MIGA1: variants seen among roughly 807,000 people sequenced by gnomAD.
The protein encoded by MIGA1 is mitoguardin 1.
A neutral mutation model predicts 82.0 loss-of-function variants in MIGA1; 58 were observed. That is an observed-to-expected ratio of 0.71 (90% CI 0.57 to 0.88). MIGA1 has a LOEUF of 0.88. Ranked by LOEUF, MIGA1 falls within the 40% of genes least tolerant of loss-of-function variation. MIGA1 has a pLI of 0.00. For missense variants in MIGA1, 751 were observed against 749.1 expected, an observed-to-expected ratio of 1.00 and a Z score of -0.03; for synonymous variants, 249 against 253.6, an observed-to-expected ratio of 0.98 and a Z score of 0.17.
At position 77,847,055 on chromosome 1, in the gene MIGA1, A is replaced by C. The variant is rs374665230; in HGVS notation, c.996+3648A>C. On this transcript the variant is annotated intron_variant, in intron 8 of 15. Transcript: ENST00000370791. ...TGATTTGACGACACTTATTTATAGC[A>C]ATCCAGAAACTACACCAACAGTAGG... is the stretch of plus-strand genomic sequence containing the variant. The C allele has an allele frequency of 1.3e-5, 10 of 742,506 alleles. No individual in the cohort carries two copies. The African/African-American group carries it at 1.7e-4, about 13-fold the overall frequency. 46.0% of individuals were successfully genotyped at this position (742,506 alleles called of 1,614,324 possible). A position where few individuals can be genotyped will look rare whatever the true frequency, so the allele number is the denominator to read the frequency against.
At position 77,855,330 on chromosome 1, in the gene MIGA1, TG is replaced by T. The variant is rs1290724744; in HGVS notation, c.997-3607del. Among the ~76,000 whole-genome samples the T allele has an allele frequency of 8.5e-5, 13 of 152,318 alleles. 1 individual carries two copies. Among genetic ancestry groups the T allele is most frequent in the South Asian group, 8.3e-4 (4 of 4,826 alleles). On this transcript the variant is annotated intron_variant, in intron 8 of 15. Transcript: ENST00000370791. ...TATAGTTTGAAATCAGGTCGTGTGATGCCTCCAGAATTCTTTTCGCTTAGTC... is the reference window on the plus strand; with the variant it reads ...TATAGTTTGAAATCAGGTCGTGTGATCCTCCAGAATTCTTTTCGCTTAGTC...
chr1:77,852,294 A>C (rs1685085300), intron 8 of MIGA1, among the ~76,000 whole-genome samples: 1 of 152,150 alleles, frequency 6.6e-6, no homozygotes, highest in Non-Finnish European at 1.5e-5. Context: ...AAACTGTTTA[A>C]TATCTAAAGA....
intron 14 of MIGA1, among the ~76,000 whole-genome samples, chr1:77,870,026 C>T (rs1571023262): frequency 7.7e-6 from 1 of 130,538 alleles, no homozygotes; most frequent in East Asian, 2.5e-4. Context: ...CCTCACTTCC[C>T]AGTAGGGGCG....
chr1:77,829,450 C>T (rs982803907), intron 7 of MIGA1, among the ~76,000 whole-genome samples: 1 of 151,956 alleles, frequency 6.6e-6, no homozygotes, highest in South Asian at 2.1e-4. Flanking sequence ...GACCCTGTCC[C>T]TTAAAAAATC....
rs76302199 is a variant in MIGA1 at position 77,853,434 on chromosome 1, A to G, written c.997-5504A>G. 1.2e-4 allele frequency: 20 copies of G among 161,322 alleles called. No individual in the cohort carries two copies. The East Asian group carries it at 3.7e-3, about 30-fold the overall frequency. 10.0% of individuals were successfully genotyped at this position (161,322 alleles called of 1,614,324 possible). A position where few individuals can be genotyped will look rare whatever the true frequency, so the allele number is the denominator to read the frequency against. On this transcript the variant is annotated intron_variant, in intron 8 of 15. Transcript: ENST00000370791. ...AGATGTGCTGCAGAAACTACAACCA[A>G]AGGAGGCATTACGGCTGGGCACTGT...
intron 7 of MIGA1, among the ~76,000 whole-genome samples, chr1:77,838,309 G>A (rs1684504118): frequency 6.6e-6 from 1 of 151,882 alleles, no homozygotes; most frequent in Non-Finnish European, 1.5e-5. Flanking sequence ...TGATGCTCAG[G>A]CTAATTACCT....
At chr1:77,812,986 C>T (rs1394757323) in intron 5 of MIGA1, among the ~76,000 whole-genome samples, 3 of 151,986 alleles carry the variant, frequency 2.0e-5, no homozygotes, top group Admixed American at 6.6e-5. Flanking sequence ...TTCAGCTTTA[C>T]TTTCTTTTTT....
At chr1:77,827,992 A>C (rs1684096544) in intron 7 of MIGA1, among the ~76,000 whole-genome samples, 1 of 152,092 alleles carries the variant, frequency 6.6e-6, no homozygotes, top group African/African-American at 2.4e-5. Flanking sequence ...CAGGAGGAGG[A>C]GGCTGCAGTG....
intron 7 of MIGA1, among the ~76,000 whole-genome samples, chr1:77,836,150 A>G (rs183609567): frequency 7.2e-5 from 11 of 152,292 alleles, no homozygotes; most frequent in East Asian, 3.9e-4. Context: ...TATGTGTTCA[A>G]TAATCTCCCG....
chr1:77,856,083 C>G (rs1207950134), intron 8 of MIGA1, among the ~76,000 whole-genome samples: 3 of 152,078 alleles, frequency 2.0e-5, no homozygotes, highest in Non-Finnish European at 2.9e-5. Context: ...GCCGATTTTT[C>G]TGAGAGTTCT....
intron 2 of MIGA1, among the ~76,000 whole-genome samples, chr1:77,792,551 A>T (rs1011232669): frequency 3.9e-5 from 6 of 152,366 alleles, no homozygotes; most frequent in African/African-American, 1.4e-4. Context: ...GTTACATCTT[A>T]AGACTAGAGA....
intron 12 of MIGA1, among the ~76,000 whole-genome samples, chr1:77,862,543 G>T (rs1034950454): frequency 2.0e-5 from 3 of 152,126 alleles, no homozygotes; most frequent in African/African-American, 7.2e-5. Flanking sequence ...GTGAGGTCAG[G>T]AGTTTAAGAC....
chr1:77,851,651 A>T (rs537201414), intron 8 of MIGA1, among the ~76,000 whole-genome samples: 2 of 152,184 alleles, frequency 1.3e-5, no homozygotes, highest in Admixed American at 6.5e-5. Flanking sequence ...AAGAGTCAAT[A>T]ATGTTAGCTA....
chr1:77,816,756 A>T (rs989028538), intron 7 of MIGA1, among the ~76,000 whole-genome samples: 6 of 152,218 alleles, frequency 3.9e-5, no homozygotes, highest in Admixed American at 3.3e-4. Flanking sequence ...CTTTATATTA[A>T]TTTTTTCTAC....
intron 7 of MIGA1, among the ~76,000 whole-genome samples, chr1:77,816,373 G>A (rs561685586): frequency 6.6e-6 from 1 of 152,268 alleles, no homozygotes; most frequent in East Asian, 1.9e-4. Flanking sequence ...AATAATTTAA[G>A]TCTTTTTTAG....
chr1:77,814,949 C>T (rs988425078), intron 6 of MIGA1, among the ~76,000 whole-genome samples, 159 bp from the exon 7 acceptor site: 3 of 152,136 alleles, frequency 2.0e-5, no homozygotes, highest in Non-Finnish European at 4.4e-5. Context: ...CAGCTAGAAC[C>T]CAGGCCTCTT....
In MIGA1 at chr1:77,879,025, TTAA is replaced by T. The variant is rs1373455872; in HGVS notation, c.*3966_*3968del. On this transcript the variant is annotated 3_prime_UTR_variant, in exon 16 of 16. Coordinates refer to ENST00000370791, the MANE Select transcript of MIGA1 (RefSeq NM_198549.4). ...GATTATTTGCATTACAAAGGAATTC[TTAA>T]TAATTCCTGTAAGCCTAGGAAATAG... is the stretch of plus-strand genomic sequence containing the variant. 4.0e-6 allele frequency: 1 copy of T among 249,308 alleles called. No homozygotes were observed. The highest frequency in any genetic ancestry group is 7.6e-6 in the Non-Finnish European group (1 of 132,048). 15.4% of individuals were successfully genotyped at this position (249,308 alleles called of 1,614,324 possible). A position where few individuals can be genotyped will look rare whatever the true frequency, so the allele number is the denominator to read the frequency against.
At chr1:77,803,978 A>G (rs1013134045) in intron 4 of MIGA1, among the ~76,000 whole-genome samples, 3 of 152,180 alleles carry the variant, frequency 2.0e-5, no homozygotes, top group Admixed American at 2.0e-4. Flanking sequence ...TACCCCATTT[A>G]CCCTGATGTG....
intron 6 of MIGA1, among the ~76,000 whole-genome samples, chr1:77,814,441 A>G (rs762018528): frequency 1.6e-4 from 25 of 152,054 alleles, no homozygotes; most frequent in African/African-American, 6.0e-4. Flanking sequence ...GTTGGAGTAC[A>G]GTGGTTGTTC....
Sources: allele counts gnomAD v4.1 joint callset (sites outside exome capture counted in the v4.1 genomes callset), GRCh38; gene constraint gnomAD v4.1.1; transcripts MANE v1.5; gene names NCBI Gene and HGNC (gene_info 2026-07-23, HGNC 2026-07-21).